The following GEMIN2 variants were observed in gnomAD, a reference collection of about 807,000 sequenced individuals.
GEMIN2 encodes the protein gem nuclear organelle associated protein 2.
GEMIN2 carries 37 observed loss-of-function variants against 45.8 expected under a neutral mutation model. That is an observed-to-expected ratio of 0.81 (90% CI 0.62 to 1.06). The LOEUF (loss-of-function observed/expected upper bound fraction) is 1.06, where lower values mean the gene tolerates loss of function less well. GEMIN2 is among the 50% of genes least tolerant of loss of function. The probability of loss-of-function intolerance (pLI) is 0.00; values close to 1 mark genes in which losing one functional copy is unlikely to be tolerated. For synonymous variants in GEMIN2, 101 were observed against 111.5 expected (o/e 0.91, Z 0.60); for missense variants, 335 against 321.8 (o/e 1.04, Z -0.31).
chr14:39,131,551 G>C (rs1021791034), intron 7 of GEMIN2, among the ~76,000 whole-genome samples: 2 of 152,124 alleles, frequency 1.3e-5, no homozygotes, highest in Admixed American at 1.3e-4. Flanking sequence ...TAGTTTCTTT[G>C]TATGTCCCCA....
chr14:39,129,192 CAGTAT>C (rs1237468382), intron 7 of GEMIN2, among the ~76,000 whole-genome samples: 1 of 151,988 alleles, frequency 6.6e-6, no homozygotes, highest in African/African-American at 2.4e-5. Context: ...CTACAGTATT[CAGTAT>C]AGTAATGTGC....
chr14:39,118,013 AC>A lies in GEMIN2; in HGVS notation c.240del (p.Ala81ProfsTer26), dbSNP rs762025394. Reference protein sequence around the residue: ...SVNISLSGCQPAPEGYSPTLQ... With the variant: ...SVNISLSGCQXAPEGYSPTLQ... ...TTGATCTCTAGCTTTCAGGATGCCA[AC>A]CCGCCCCTGAAGGTTATTCCCCAAC... On this transcript the variant is annotated frameshift_variant, in exon 3 of 10. Transcript: ENST00000308317. LOFTEE classifies it high-confidence loss of function. The A allele has an allele frequency of 6.2e-7, 1 of 1,600,958 alleles. No homozygotes were observed. The highest frequency in any genetic ancestry group is 1.3e-5 in the African/African-American group (1 of 74,576).
intron 4 of GEMIN2, among the ~76,000 whole-genome samples, chr14:39,120,730 C>G (rs1169334452): frequency 6.6e-6 from 1 of 152,174 alleles, no homozygotes; most frequent in African/African-American, 2.4e-5. Context: ...TGGATTCAAG[C>G]AATTCTCCTG....
intron 8 of GEMIN2, among the ~76,000 whole-genome samples, chr14:39,133,090 G>A (rs4290398): frequency 0.93 from 134,508 of 145,142 alleles, 62,420 homozygotes; most frequent in East Asian, 0.95. Context: ...TATAAGAACA[G>A]TAAGAATCCT....
chr14:39,118,281 GTTTA>G (rs1043002239), intron 3 of GEMIN2, among the ~76,000 whole-genome samples, 193 bp downstream of exon 3: 8 of 152,058 alleles, frequency 5.3e-5, no homozygotes, highest in African/African-American at 1.4e-4. Context: ...TTATTTGTTT[GTTTA>G]TTTATTTCAA....
intron 5 of GEMIN2, among the ~76,000 whole-genome samples, chr14:39,124,608 C>A (rs1262533892): frequency 7.4e-6 from 1 of 135,032 alleles, no homozygotes; most frequent in Non-Finnish European, 1.7e-5. Flanking sequence ...TCATCTCTAC[C>A]AAAAATACAA....
chr14:39,120,219 A>G (rs116912240), intron 4 of GEMIN2, among the ~76,000 whole-genome samples: 10 of 152,222 alleles, frequency 6.6e-5, no homozygotes, highest in Admixed American at 4.6e-4. Flanking sequence ...CAAACATCAT[A>G]TAAGTAATAA....
intron 5 of GEMIN2, among the ~76,000 whole-genome samples, chr14:39,124,151 C>T (rs1195581408): frequency 6.6e-6 from 1 of 151,988 alleles, no homozygotes; most frequent in East Asian, 1.9e-4. Flanking sequence ...AGGAAGTAAG[C>T]GTTTAATGTA....
chr14:39,125,345 T>C (rs78054105), intron 6 of GEMIN2, among the ~76,000 whole-genome samples: 2,214 of 152,306 alleles, frequency 0.015, 61 homozygotes, highest in African/African-American at 0.05. Flanking sequence ...TTAATCATGG[T>C]GCTAGAGTAT....
intron 8 of GEMIN2, among the ~76,000 whole-genome samples, chr14:39,133,318 A>AATATAT (rs770940256): frequency 2.8e-5 from 4 of 144,918 alleles, no homozygotes; most frequent in African/African-American, 1.0e-4. Flanking sequence ...AATATATATG[A>AATATAT]ATATATATAT....
At chr14:39,133,257 A>G (rs2052743250) in intron 8 of GEMIN2, among the ~76,000 whole-genome samples, 1 of 145,994 alleles carries the variant, frequency 6.8e-6, no homozygotes, top group South Asian at 2.1e-4. Flanking sequence ...GTATATTAAT[A>G]TATATTTATT....
At chr14:39,132,666 T>C (rs74243919) in intron 8 of GEMIN2, among the ~76,000 whole-genome samples, 13,084 of 59,280 alleles carry the variant, frequency 0.22, 1,107 homozygotes, top group African/African-American at 0.25. Context: ...GCTTCAGCCT[T>C]TTTTTTTTTT....
chr14:39,127,350 T>G (rs1404121223), intron 6 of GEMIN2, among the ~76,000 whole-genome samples: 1 of 139,700 alleles, frequency 7.2e-6, no homozygotes, highest in South Asian at 2.4e-4. Flanking sequence ...TTTTTTTTTT[T>G]TTTTTTTTTT....
intron 2 of GEMIN2, among the ~76,000 whole-genome samples, chr14:39,117,370 A>T (rs1486118348): frequency 6.6e-6 from 1 of 152,166 alleles, no homozygotes; most frequent in Non-Finnish European, 1.5e-5. Context: ...TTTTATTGAT[A>T]CATAATAATC....
At chr14:39,130,545 A>T (rs1416005010) in intron 7 of GEMIN2, among the ~76,000 whole-genome samples, 1 of 152,270 alleles carries the variant, frequency 6.6e-6, no homozygotes, top group Admixed American at 6.5e-5. Flanking sequence ...AAACAAGGGA[A>T]TGTTATTAAA....
chr14:39,124,804 G>A (rs77192879), intron 5 of GEMIN2, among the ~76,000 whole-genome samples, 188 bp from the exon 6 acceptor site: 2,210 of 151,768 alleles, frequency 0.015, 60 homozygotes, highest in African/African-American at 0.05. Flanking sequence ...AATTTAAGGC[G>A]TTATTTTCTT....
intron 8 of GEMIN2, among the ~76,000 whole-genome samples, chr14:39,133,006 A>C (rs1418057291): frequency 8.6e-6 from 1 of 116,590 alleles, no homozygotes; most frequent in East Asian, 2.0e-4. Flanking sequence ...GTGTGTATAT[A>C]TATGTGTGTG....
chr14:39,129,387 G>A (rs2052686010), intron 7 of GEMIN2, among the ~76,000 whole-genome samples: 1 of 152,062 alleles, frequency 6.6e-6, no homozygotes, highest in Non-Finnish European at 1.5e-5. Context: ...TGTACTTGAT[G>A]TGATGCTACG....
intron 4 of GEMIN2, among the ~76,000 whole-genome samples, chr14:39,120,982 T>A (rs965402832): frequency 6.6e-6 from 1 of 152,248 alleles, no homozygotes; most frequent in African/African-American, 2.4e-5. Context: ...GAGGTTATAT[T>A]GAGCTGAATG....
Sources: allele counts gnomAD v4.1 joint callset (sites outside exome capture counted in the v4.1 genomes callset), GRCh38; gene constraint gnomAD v4.1.1; transcripts MANE v1.5; gene names NCBI Gene and HGNC (gene_info 2026-07-23, HGNC 2026-07-21).